The following SGCZ variants were observed in gnomAD, a reference collection of about 807,000 sequenced individuals.
SGCZ encodes the protein zeta-sarcoglycan.
SGCZ carries 40 observed loss-of-function variants against 41.3 expected under a neutral mutation model. The observed-to-expected ratio is 0.97, with a 90% CI of 0.75 to 1.26. SGCZ has a LOEUF of 1.26. Ranked by LOEUF, SGCZ falls within the 50% of genes most tolerant of loss-of-function variation. The pLI is 0.00. For synonymous variants in SGCZ, 206 were observed against 137.5 expected (o/e 1.50, Z -3.49); for missense variants, 552 against 369.8 (o/e 1.49, Z -4.04).
intron 1 of SGCZ, among the ~76,000 whole-genome samples, chr8:14,862,876 G>T (rs1223089629): frequency 6.6e-6 from 1 of 151,924 alleles, no homozygotes. Flanking sequence ...GAAGCCACTA[G>T]AGGAAATTCA....
At chr8:14,454,425 T>A (rs1048449399) in intron 2 of SGCZ, among the ~76,000 whole-genome samples, 1 of 152,202 alleles carries the variant, frequency 6.6e-6, no homozygotes, top group African/African-American at 2.4e-5. Flanking sequence ...TATTTGATAG[T>A]CATTTCTTAA....
At chr8:14,743,232 T>A (rs1268027575) in intron 1 of SGCZ, among the ~76,000 whole-genome samples, 1 of 152,072 alleles carries the variant, frequency 6.6e-6, no homozygotes, top group Non-Finnish European at 1.5e-5. Flanking sequence ...TTATCATTGA[T>A]GATATTCTTA....
chr8:14,179,483 T>G (rs1281719323), intron 4 of SGCZ, among the ~76,000 whole-genome samples: 1 of 152,214 alleles, frequency 6.6e-6, no homozygotes, highest in Non-Finnish European at 1.5e-5. Flanking sequence ...CCCCACTGTC[T>G]GTCACAGTCT....
chr8:14,522,775 A>T (rs1254978928), intron 2 of SGCZ, among the ~76,000 whole-genome samples: 2 of 151,358 alleles, frequency 1.3e-5, no homozygotes, highest in Non-Finnish European at 3.0e-5. Context: ...CTGTAGGCTT[A>T]TTTTCCTCTT....
At position 15,237,808 on chromosome 8, in the gene SGCZ, A is replaced by C; in HGVS notation, c.-185T>G. On this transcript the variant is annotated 5_prime_UTR_variant, in exon 1 of 8. Coordinates refer to ENST00000382080, the MANE Select transcript of SGCZ (RefSeq NM_139167.4). ...AAATAAGGAAAATAAATAAATAATA[A>C]TGATAATTCACTTTATTTTACTTCC... 3 of 569,050 alleles carry C rather than the reference A, an allele frequency of 5.3e-6. No individual in the cohort carries two copies. Among genetic ancestry groups the C allele is most frequent in the East Asian group, 2.9e-5 (1 of 35,024 alleles). The allele number at this position is 569,050 out of a possible 1,614,324, so 35.3% of individuals were successfully genotyped here. A position where few individuals can be genotyped will look rare whatever the true frequency, so the allele number is the denominator to read the frequency against.
chr8:14,435,839 C>T (rs1800074719), intron 2 of SGCZ, among the ~76,000 whole-genome samples: 1 of 152,166 alleles, frequency 6.6e-6, no homozygotes, highest in South Asian at 2.1e-4. Flanking sequence ...AGGGCTAGCC[C>T]ATGCTCTAGC....
chr8:14,095,298 A>G (rs6996097), intron 7 of SGCZ, among the ~76,000 whole-genome samples: 67,769 of 151,928 alleles, frequency 0.45, 17,960 homozygotes, highest in African/African-American at 0.74. Context: ...GTTAGTTTTC[A>G]TATAAGGTGT....
chr8:14,214,066 A>C (rs1484761363), intron 4 of SGCZ, among the ~76,000 whole-genome samples: 1 of 152,134 alleles, frequency 6.6e-6, no homozygotes, highest in Non-Finnish European at 1.5e-5. Context: ...AAATCTAACA[A>C]ACGTTAACCA....
intron 4 of SGCZ, among the ~76,000 whole-genome samples, chr8:14,198,982 G>T (rs1438934846): frequency 1.3e-5 from 2 of 152,084 alleles, no homozygotes; most frequent in East Asian, 3.9e-4. Context: ...TGTGTTAACT[G>T]CACAAATTGT....
chr8:14,557,084 C>T (rs767131442), intron 1 of SGCZ, among the ~76,000 whole-genome samples: 1 of 151,978 alleles, frequency 6.6e-6, no homozygotes, highest in East Asian at 1.9e-4. Context: ...ACTGCATCTA[C>T]ACCAATGCCT....
chr8:14,089,954 A>C lies in SGCZ; in HGVS notation c.*489T>G, dbSNP rs1381934615. On this transcript the variant is annotated 3_prime_UTR_variant, in exon 8 of 8. Transcript: ENST00000382080. Reference sequence around the variant, plus strand: ...ATTTTAGTAAAGCAAGCATTACATAATGCTTTAAAATTTTAAAAGTCGGGG... The same window carrying C: ...ATTTTAGTAAAGCAAGCATTACATACTGCTTTAAAATTTTAAAAGTCGGGG... 1 of 152,596 alleles carries C rather than the reference A, an allele frequency of 6.6e-6. No individual in the cohort carries two copies. Among genetic ancestry groups the C allele is most frequent in the Non-Finnish European group, 1.5e-5 (1 of 68,066 alleles). The allele number at this position is 152,596 out of a possible 1,614,324, so 9.5% of individuals were successfully genotyped here. A position where few individuals can be genotyped will look rare whatever the true frequency, so the allele number is the denominator to read the frequency against.
At chr8:15,196,145 C>T (rs1397337367) in intron 1 of SGCZ, among the ~76,000 whole-genome samples, 3 of 151,814 alleles carry the variant, frequency 2.0e-5, no homozygotes, top group East Asian at 1.9e-4. Flanking sequence ...GATCCGCCCG[C>T]CTCGGCCTCC....
At chr8:14,738,195 C>T (rs1483499074) in intron 1 of SGCZ, among the ~76,000 whole-genome samples, 1 of 152,016 alleles carries the variant, frequency 6.6e-6, no homozygotes, top group Non-Finnish European at 1.5e-5. Flanking sequence ...CTGTTTTCAA[C>T]ATTATTTCCC....
chr8:15,062,976 A>G (rs145903890), intron 1 of SGCZ, among the ~76,000 whole-genome samples: 8 of 152,272 alleles, frequency 5.3e-5, no homozygotes, highest in African/African-American at 1.7e-4. Flanking sequence ...AAGAATGTCA[A>G]TTGTGTTTAA....
At chr8:14,612,480 A>G (rs1585124663) in intron 1 of SGCZ, among the ~76,000 whole-genome samples, 3 of 152,222 alleles carry the variant, frequency 2.0e-5, no homozygotes, top group East Asian at 3.9e-4. Context: ...ACTTACCCAG[A>G]CTCAGGGAAG....
At chr8:14,631,414 C>A (rs1394480301) in intron 1 of SGCZ, among the ~76,000 whole-genome samples, 1 of 152,058 alleles carries the variant, frequency 6.6e-6, no homozygotes, top group Non-Finnish European at 1.5e-5. Flanking sequence ...TGAGTGGTGC[C>A]ATGTCGTAGC....
intron 1 of SGCZ, among the ~76,000 whole-genome samples, chr8:14,564,061 G>A (rs556694600): frequency 1.3e-5 from 2 of 152,264 alleles, no homozygotes; most frequent in East Asian, 3.9e-4. Flanking sequence ...TTAGACCTGT[G>A]TTCCCTGTTA....
At chr8:14,877,288 T>C (rs1804400954) in intron 1 of SGCZ, among the ~76,000 whole-genome samples, 2 of 152,170 alleles carry the variant, frequency 1.3e-5, no homozygotes, top group Admixed American at 6.6e-5. Context: ...CTTTATTATG[T>C]AAGTATCTCT....
intron 2 of SGCZ, among the ~76,000 whole-genome samples, chr8:14,362,364 C>G (rs1803553653): frequency 6.6e-6 from 1 of 152,186 alleles, no homozygotes; most frequent in Non-Finnish European, 1.5e-5. Context: ...TCTGTTTACA[C>G]TGTGAGCATA....
Sources: gnomAD v4.1 joint callset for allele counts (sites outside exome capture counted in the v4.1 genomes callset) on GRCh38, gnomAD v4.1.1 for gene constraint, MANE v1.5 for transcripts, NCBI Gene and HGNC (gene_info 2026-07-23, HGNC 2026-07-21) for gene names.